The following ANO4 variants were observed in gnomAD, a reference collection of about 807,000 sequenced individuals.
The protein encoded by ANO4 is anoctamin-4.
In ANO4, 69 loss-of-function variants were observed where a neutral mutation model predicts 141.9. The ratio of observed to expected loss-of-function variants is 0.49; its 90% CI spans 0.40 to 0.59. The LOEUF is 0.59. ANO4 is among the 20% of genes least tolerant of loss of function. The pLI is 0.00. For missense variants in ANO4, 894 were observed against 1,162.2 expected (o/e 0.77, Z 3.36); for synonymous variants, 350 against 394.3 (o/e 0.89, Z 1.33).
intron 1 of ANO4, among the ~76,000 whole-genome samples, chr12:100,821,001 T>A (rs1386727257): frequency 6.6e-6 from 1 of 152,032 alleles, no homozygotes; most frequent in Non-Finnish European, 1.5e-5. Flanking sequence ...TCCCTTGCAC[T>A]CTCTGTTTGA....
chr12:101,000,973 G>T (rs916179206), intron 8 of ANO4, among the ~76,000 whole-genome samples: 10 of 152,188 alleles, frequency 6.6e-5, no homozygotes, highest in African/African-American at 2.2e-4. Flanking sequence ...CACTTTCAAT[G>T]CCTATTATGT....
chr12:101,015,139 T>TA (rs2046263103), intron 8 of ANO4, among the ~76,000 whole-genome samples: 3 of 152,064 alleles, frequency 2.0e-5, no homozygotes, highest in African/African-American at 4.8e-5. Flanking sequence ...TGCAGTTTTT[T>TA]AAAAAATGTG....
At chr12:101,043,407 G>C in intron 12 of ANO4, 132 bp from the exon 13 acceptor site, 2 of 616,132 alleles carry the variant, frequency 3.2e-6, no homozygotes, top group South Asian at 4.5e-5. Context: ...ATTAATAACA[G>C]ATAAAGCTAA....
intron 9 of ANO4, among the ~76,000 whole-genome samples, chr12:101,033,106 G>T (rs2047043434): frequency 6.6e-6 from 1 of 152,168 alleles, no homozygotes; most frequent in African/African-American, 2.4e-5. Context: ...AGAAAATGTG[G>T]CACATATACA....
intron 25 of ANO4, 73 bp from the exon 26 acceptor site, chr12:101,120,446 AT>A: frequency 7.7e-7 from 1 of 1,293,968 alleles, no homozygotes; most frequent in Non-Finnish European, 1.1e-6. Context: ...TGAGGACTAT[AT>A]AATGAGAATG....
intron 9 of ANO4, among the ~76,000 whole-genome samples, chr12:101,034,811 A>G (rs2047129072): frequency 6.6e-6 from 1 of 152,168 alleles, no homozygotes; most frequent in Non-Finnish European, 1.5e-5. Flanking sequence ...AGCACACAAG[A>G]TGATTTTAAA....
At chr12:100,819,808 G>A (rs1285853376) in intron 1 of ANO4, among the ~76,000 whole-genome samples, 4 of 151,874 alleles carry the variant, frequency 2.6e-5, no homozygotes, top group Non-Finnish European at 4.4e-5. Flanking sequence ...TGTAGAAGGA[G>A]AAACTGAGTA....
chr12:100,901,435 T>A (rs1369989534), intron 1 of ANO4, among the ~76,000 whole-genome samples: 1 of 152,184 alleles, frequency 6.6e-6, no homozygotes, highest in Non-Finnish European at 1.5e-5. Context: ...TTGGAAGGAA[T>A]TTTTATAAGA....
chr12:100,911,005 A>C (rs2041076578), intron 2 of ANO4, among the ~76,000 whole-genome samples: 1 of 152,164 alleles, frequency 6.6e-6, no homozygotes, highest in Admixed American at 6.6e-5. Context: ...GAGAAACATT[A>C]GGATTTTCTT....
intron 3 of ANO4, among the ~76,000 whole-genome samples, chr12:100,765,379 CTTTTTT>C (rs71091461): frequency 1.6e-5 from 2 of 125,402 alleles, no homozygotes; most frequent in Non-Finnish European, 3.2e-5. Context: ...TTCTTTCTTT[CTTTTTT>C]TTTTTTTTTT....
intron 14 of ANO4, among the ~76,000 whole-genome samples, chr12:101,064,663 TATAATA>T (rs199759578): frequency 0.24 from 31,121 of 130,062 alleles, 3,656 homozygotes; most frequent in African/African-American, 0.34. Context: ...CTTAAAGTAT[TATAATA>T]ATAATAATAA....
chr12:101,099,011 C>T (rs987555047), intron 21 of ANO4, among the ~76,000 whole-genome samples: 29 of 152,146 alleles, frequency 1.9e-4, no homozygotes, highest in South Asian at 2.1e-4. Flanking sequence ...GCTAAGGGTT[C>T]CTGTGCTAAC....
intron 13 of ANO4, among the ~76,000 whole-genome samples, chr12:101,047,197 C>T (rs1416420868): frequency 2.0e-5 from 3 of 152,076 alleles, no homozygotes; most frequent in African/African-American, 7.2e-5. Context: ...TGCAGTGAGC[C>T]GAGATTGCGC....
chr12:101,073,010 G>T (rs2048882900), intron 14 of ANO4, among the ~76,000 whole-genome samples: 2 of 152,164 alleles, frequency 1.3e-5, no homozygotes, highest in African/African-American at 4.8e-5. Flanking sequence ...TTCAACCATT[G>T]TAGAAGACAG....
chr12:101,099,589 A>G lies in ANO4; in HGVS notation c.2018A>G (p.Asn673Ser), dbSNP rs1324725682. The G allele has an allele frequency of 6.3e-7, 1 of 1,599,772 alleles. No homozygotes were observed. The highest frequency in any genetic ancestry group is 1.1e-5 in the South Asian group (1 of 87,582). Residue 673 changes from asparagine (N) to serine (S), a missense_variant, in exon 22 of 28, where the codon AAT becomes AGT. By Grantham distance (46) the Asn-to-Ser change is conservative. Transcript: ENST00000392977. ...FMELGYPLIQNWWTRRKVRQE... is the reference protein window; with the variant it reads ...FMELGYPLIQSWWTRRKVRQE... ...ATCTTTTTGCCCAGGTTAATTCAGA[A>G]TTGGTGGACTAGAAGAAAAGTACGA...
intron 1 of ANO4, among the ~76,000 whole-genome samples, chr12:100,879,835 A>G (rs756967574): frequency 2.6e-5 from 4 of 152,196 alleles, no homozygotes; most frequent in Non-Finnish European, 5.9e-5. Context: ...TTTTATTTGT[A>G]TAGGCAATTA....
intron 3 of ANO4, among the ~76,000 whole-genome samples, chr12:100,929,994 T>C (rs560914084): frequency 3.7e-4 from 57 of 152,244 alleles, no homozygotes; most frequent in African/African-American, 1.3e-3. Context: ...AGAAATGTCT[T>C]ATTCAGACAT....
intron 14 of ANO4, among the ~76,000 whole-genome samples, chr12:101,052,121 G>A (rs1191626946): frequency 3.9e-5 from 6 of 152,056 alleles, no homozygotes; most frequent in South Asian, 2.1e-4. Context: ...TGTGTTCACC[G>A]GAAAAAAATA....
chr12:101,031,982 A>G (rs982289190), intron 9 of ANO4, among the ~76,000 whole-genome samples: 1 of 152,220 alleles, frequency 6.6e-6, no homozygotes, highest in African/African-American at 2.4e-5. Context: ...AGGAAAAATC[A>G]ATATTGTAAA....
Sources: allele counts gnomAD v4.1 joint callset (sites outside exome capture counted in the v4.1 genomes callset), GRCh38; gene constraint gnomAD v4.1.1; transcripts MANE v1.5; gene names NCBI Gene and HGNC (gene_info 2026-07-23, HGNC 2026-07-21).